The following ANK3 variants were observed in gnomAD, a reference collection of about 807,000 sequenced individuals.
ANK3 encodes ankyrin 3.
Under a neutral mutation model 370.9 loss-of-function variants are expected in ANK3, and 57 were observed. The observed-to-expected ratio is 0.15, with a 90% CI of 0.12 to 0.19. ANK3 has a LOEUF of 0.19. Among genes scored for constraint, ANK3 ranks in the 10% least tolerant of loss-of-function variants. The pLI is 1.00. For synonymous variants in ANK3, 1,929 were observed against 1,946.3 expected (o/e 0.99, Z 0.23); for missense variants, 4,439 against 5,302.1 (o/e 0.84, Z 5.06).
chr10:60,722,655 A>G (rs890874819), intron 1 of ANK3, among the ~76,000 whole-genome samples: 3 of 151,898 alleles, frequency 2.0e-5, no homozygotes, highest in Non-Finnish European at 4.4e-5. Flanking sequence ...ATAACCCCCA[A>G]CGTTGGAGGT....
At chr10:60,404,977 A>C (rs2063424199) in intron 2 of ANK3, among the ~76,000 whole-genome samples, 1 of 152,192 alleles carries the variant, frequency 6.6e-6, no homozygotes, top group African/African-American at 2.4e-5. Flanking sequence ...CTGACATGAG[A>C]TATTACTATC....
chr10:60,331,859 A>C lies in ANK3; in HGVS notation c.115-52220T>G, dbSNP rs760185837. ...AACTGAAGACCTGACTTCATTCAGAAATGAATATTAAATATTAAATTACCT... is the reference window on the plus strand; with the variant it reads ...AACTGAAGACCTGACTTCATTCAGACATGAATATTAAATATTAAATTACCT... On this transcript the variant is annotated intron_variant, in intron 1 of 43. Coordinates refer to ENST00000280772, the MANE Select transcript of ANK3 (RefSeq NM_020987.5). Among the ~76,000 whole-genome samples the C allele has an allele frequency of 3.8e-4, 58 of 152,226 alleles. 1 individual carries two copies. Among genetic ancestry groups the C allele is most frequent in the Non-Finnish European group, 2.6e-4 (18 of 68,038 alleles).
At chr10:60,043,092 AAAC>A in intron 42 of ANK3, 1 of 1,052,404 alleles carries the variant, frequency 9.5e-7, no homozygotes, top group Non-Finnish European at 1.1e-6. Flanking sequence ...GCAGAATTGT[AAAC>A]AATCTGTTGC....
At chr10:60,270,815 C>T (rs542997172) in intron 4 of ANK3, among the ~76,000 whole-genome samples, 16 of 152,056 alleles carry the variant, frequency 1.1e-4, no homozygotes, top group South Asian at 1.0e-3. Context: ...AAAGAAATGC[C>T]GATTTGCATA....
intron 1 of ANK3, among the ~76,000 whole-genome samples, chr10:60,705,543 C>T (rs1300667172): frequency 6.6e-6 from 1 of 152,104 alleles, no homozygotes; most frequent in Non-Finnish European, 1.5e-5. Flanking sequence ...AGTCTATGTC[C>T]TTAATTAACC....
intron 1 of ANK3, among the ~76,000 whole-genome samples, chr10:60,726,222 A>AG (rs990433736): frequency 1.4e-4 from 22 of 152,148 alleles, no homozygotes; most frequent in Admixed American, 7.9e-4. Flanking sequence ...ATAAAAAAAA[A>AG]CAGACACAGT....
chr10:60,334,886 C>T (rs558939429), intron 1 of ANK3, among the ~76,000 whole-genome samples: 15 of 152,034 alleles, frequency 9.9e-5, no homozygotes, highest in Non-Finnish European at 1.8e-4. Context: ...AATTATGTGC[C>T]TACTGGGTGT....
intron 2 of ANK3, among the ~76,000 whole-genome samples, chr10:60,512,129 AC>A (rs1198616725): frequency 2.0e-5 from 3 of 152,060 alleles, no homozygotes; most frequent in Admixed American, 2.0e-4. Context: ...AGGTGCAGAC[AC>A]CAGTCTGGGT....
chr10:60,731,558 C>G (rs896991965), intron 1 of ANK3, among the ~76,000 whole-genome samples: 2 of 152,216 alleles, frequency 1.3e-5, no homozygotes, highest in African/African-American at 4.8e-5. Context: ...AGTTGGCCCT[C>G]CAGATATTAG....
intron 2 of ANK3, among the ~76,000 whole-genome samples, chr10:60,484,011 A>G (rs2075289665): frequency 6.6e-6 from 1 of 152,194 alleles, no homozygotes; most frequent in African/African-American, 2.4e-5. Context: ...CCACCTTCTG[A>G]TACCATGTGC....
intron 26 of ANK3, among the ~76,000 whole-genome samples, chr10:60,112,956 T>G (rs918054668): frequency 6.6e-6 from 1 of 152,232 alleles, no homozygotes; most frequent in African/African-American, 2.4e-5. Context: ...CCTTGAGATA[T>G]TCATCATTTT....
intron 14 of ANK3, among the ~76,000 whole-genome samples, chr10:60,197,537 C>T (rs970031555): frequency 2.0e-5 from 3 of 152,168 alleles, no homozygotes; most frequent in Admixed American, 2.0e-4. Context: ...AAATGAGCTT[C>T]CTGAACTTGC....
At position 60,198,488 on chromosome 10, in the gene ANK3, A is replaced by G; in HGVS notation, c.1541T>C (p.Ile514Thr). 6.2e-7 allele frequency: 1 copy of G among 1,614,158 alleles called. No individual in the cohort carries two copies. Among genetic ancestry groups the G allele is most frequent in the Non-Finnish European group, 8.5e-7 (1 of 1,180,026 alleles). ...CCCTTGCTGCAACAGCTGTTGTACTATGTCTGCTTTCCCCAGTCGGGCTGA... is the reference window on the plus strand; with the variant it reads ...CCCTTGCTGCAACAGCTGTTGTACTGTGTCTGCTTTCCCCAGTCGGGCTGA... ...HISARLGKAD[I>T]VQQLLQQGAS... Residue 514 changes from isoleucine to threonine, a missense_variant, in exon 14 of 44, where the codon ATA becomes ACA. Ile to Thr is a moderately conservative substitution (Grantham distance 89). Transcript: ENST00000280772.
At chr10:60,680,138 A>AAG (rs1564540464) in intron 1 of ANK3, among the ~76,000 whole-genome samples, 1 of 19,468 alleles carries the variant, frequency 5.1e-5, no homozygotes, top group Non-Finnish European at 1.2e-4. Flanking sequence ...CTGTCTCGGG[A>AAG]AAAAAAAAAA....
intron 18 of ANK3, among the ~76,000 whole-genome samples, chr10:60,177,540 C>T (rs2096003473): frequency 6.7e-6 from 1 of 150,042 alleles, no homozygotes; most frequent in Admixed American, 6.6e-5. Context: ...CCTTAGTTTC[C>T]TCCTGAATTT....
Position 60,688,769 on chromosome 10 carries a change from A to C in ANK3, c.57+44494T>G, listed in dbSNP as rs1178818348. Among the ~76,000 whole-genome samples, 5 of 152,120 alleles carry C rather than the reference A, an allele frequency of 3.3e-5. No individual in the cohort carries two copies. The South Asian group carries it at 8.3e-4, about 25-fold the overall frequency. ...CGAGACCATCCTGGCTAACATGGTG[A>C]AACCCCGTCTCTACTAAAAATACAA... On this transcript the variant is annotated intron_variant, in intron 1 of 43. Coordinates refer to the ANK3 transcript ENST00000373827.
chr10:60,103,445 C>T (rs192258010), intron 28 of ANK3, among the ~76,000 whole-genome samples: 38 of 151,212 alleles, frequency 2.5e-4, no homozygotes, highest in African/African-American at 9.0e-4. Context: ...GAACAGTTGT[C>T]CCTTCAAGGA....
intron 8 of ANK3, among the ~76,000 whole-genome samples, chr10:60,214,521 C>A (rs1261621062): frequency 1.3e-5 from 2 of 152,072 alleles, no homozygotes; most frequent in African/African-American, 4.8e-5. Flanking sequence ...CACCCCCCAG[C>A]CCCCAACAGG....
At chr10:60,724,502 T>C (rs1212989208) in intron 1 of ANK3, among the ~76,000 whole-genome samples, 1 of 152,184 alleles carries the variant, frequency 6.6e-6, no homozygotes, top group African/African-American at 2.4e-5. Flanking sequence ...TACAATAGGA[T>C]ACTGAGCACC....
Sources: allele counts gnomAD v4.1 joint callset (sites outside exome capture counted in the v4.1 genomes callset), GRCh38; gene constraint gnomAD v4.1.1; transcripts MANE v1.5; gene names NCBI Gene and HGNC (gene_info 2026-07-23, HGNC 2026-07-21).